HMMR: variants seen among roughly 807,000 people sequenced by gnomAD.
HMMR encodes the protein intracellular hyaluronic acid-binding protein.
A neutral mutation model predicts 101.0 loss-of-function variants in HMMR; 108 were observed. The observed-to-expected ratio is 1.07, with a 90% CI of 0.92 to 1.25. The LOEUF (loss-of-function observed/expected upper bound fraction) is 1.25. Ranked by LOEUF, HMMR falls within the 50% of genes most tolerant of loss-of-function variation. The pLI, the probability that HMMR is intolerant of heterozygous loss-of-function variation, is 0.00. For synonymous variants in HMMR, 296 were observed against 276.4 expected (o/e 1.07, Z -0.70); for missense variants, 813 against 788.7 (o/e 1.03, Z -0.37).
chr5:163,483,261 C>A lies in HMMR; in HGVS notation c.1686-7C>A, dbSNP rs773983165. 1.2e-5 allele frequency: 20 copies of A among 1,601,002 alleles called. No homozygotes were observed. Among genetic ancestry groups the A allele is most frequent in the Admixed American group, 3.4e-5 (2 of 59,030 alleles). Reference sequence around the variant, plus strand: ...TATGTTTTTCTCAATTTAATTCTTCCATGCAGAAAAGCTGAAAAAGAAAAT... The same window carrying A: ...TATGTTTTTCTCAATTTAATTCTTCAATGCAGAAAAGCTGAAAAAGAAAAT... On this transcript the variant is annotated splice_polypyrimidine_tract_variant and splice_region_variant and intron_variant, in intron 14 of 17. Transcript: ENST00000393915.
At chr5:163,481,436 C>T (rs190497685) in intron 12 of HMMR, among the ~76,000 whole-genome samples, 8 of 152,182 alleles carry the variant, frequency 5.3e-5, no homozygotes, top group Admixed American at 4.6e-4. Context: ...ATACTCGTGG[C>T]ATTAAAATTT....
chr5:163,464,775 T>C lies in HMMR; in HGVS notation c.198T>C (p.Ala66=). ...AAGATACTACCTTGCCTGCTTCAGCTAGAAAAGTTAAGTCTTCGGAATCAA... is the reference window on the plus strand; with the variant it reads ...AAGATACTACCTTGCCTGCTTCAGCCAGAAAAGTTAAGTCTTCGGAATCAA... ...VDKDTTLPAS[A]RKVKSSESKK... is the part of the protein sequence containing the mutation. Residue 66 remains alanine (A), a synonymous_variant, in exon 3 of 18, where the codon GCT becomes GCC. Coordinates refer to ENST00000393915, the MANE Select transcript of HMMR (RefSeq NM_001142556.2). 1.9e-6 allele frequency: 3 copies of C among 1,612,850 alleles called. No homozygotes were observed. Among genetic ancestry groups the C allele is most frequent in the Non-Finnish European group, 2.5e-6 (3 of 1,179,054 alleles).
At chr5:163,460,936 G>C (rs1016161712) in intron 1 of HMMR, among the ~76,000 whole-genome samples, 198 bp downstream of exon 1, 50 of 152,294 alleles carry the variant, frequency 3.3e-4, no homozygotes, top group Middle Eastern at 3.4e-3. Context: ...ATACCGCAGT[G>C]AAACAGTCTC....
intron 16 of HMMR, among the ~76,000 whole-genome samples, chr5:163,485,217 T>C (rs2113513775): frequency 6.6e-6 from 1 of 152,148 alleles, no homozygotes; most frequent in East Asian, 1.9e-4. Flanking sequence ...TCAGATGAGA[T>C]CGGGTGCGTT....
At chr5:163,469,905 C>A in intron 5 of HMMR, 76 bp downstream of exon 5, 2 of 995,064 alleles carry the variant, frequency 2.0e-6, no homozygotes, top group Non-Finnish European at 2.9e-6. Flanking sequence ...CGGTGGCTCA[C>A]GCCTGTGTTC....
chr5:163,464,801 A>G lies in HMMR; in HGVS notation c.224A>G (p.Lys75Arg). 2.5e-6 allele frequency: 4 copies of G among 1,597,238 alleles called. No individual in the cohort carries two copies. The highest frequency in any genetic ancestry group is 3.4e-6 in the Non-Finnish European group (4 of 1,165,236). ...SARKVKSSES[K>R]KESQKNDKDL... The stretch of plus-strand genomic sequence containing the variant: ...AGAAAAGTTAAGTCTTCGGAATCAA[A>G]GGTGAGGAGCTTTTATATGCCAGCT... The change falls in exon 3 of 18, where the codon AAG (lysine) becomes AGG (arginine). Residue 75 changes from lysine to arginine, a missense_variant and splice_region_variant. By Grantham distance (26) the Lys-to-Arg change is conservative (BLOSUM62 2). Transcript: ENST00000393915.
At chr5:163,461,648 G>T (rs908498658) in intron 1 of HMMR, among the ~76,000 whole-genome samples, 1 of 152,068 alleles carries the variant, frequency 6.6e-6, no homozygotes, top group Non-Finnish European at 1.5e-5. Context: ...GCCAGGCGCG[G>T]TGGCGGGCGC....
At chr5:163,489,847 A>C (rs949276123) in intron 16 of HMMR, among the ~76,000 whole-genome samples, 3 of 152,100 alleles carry the variant, frequency 2.0e-5, no homozygotes, top group Admixed American at 2.0e-4. Flanking sequence ...AGTTGGGGGA[A>C]AAGAGGGCCC....
At chr5:163,479,200 T>C (rs1247856897) in intron 12 of HMMR, among the ~76,000 whole-genome samples, 1 of 152,224 alleles carries the variant, frequency 6.6e-6, no homozygotes, top group Non-Finnish European at 1.5e-5. Flanking sequence ...TTGCTAAACC[T>C]ATAAAGAGAC....
intron 11 of HMMR, among the ~76,000 whole-genome samples, chr5:163,477,732 T>C (rs1370448927): frequency 1.3e-5 from 2 of 152,208 alleles, no homozygotes; most frequent in Non-Finnish European, 2.9e-5. Context: ...GTTTCTTTGA[T>C]CTTCTACTTC....
intron 1 of HMMR, among the ~76,000 whole-genome samples, chr5:163,461,745 T>G (rs1252315341): frequency 6.6e-6 from 1 of 151,712 alleles, no homozygotes; most frequent in African/African-American, 2.4e-5. Flanking sequence ...ATCGCGCCAC[T>G]GCACTCCAGC....
At chr5:163,484,323 A>G (rs2113511175) in intron 16 of HMMR, 78 bp downstream of exon 16, 4 of 698,964 alleles carry the variant, frequency 5.7e-6, no homozygotes, top group Non-Finnish European at 9.1e-6. Flanking sequence ...AATAAAATGA[A>G]TATCTTTGGT....
chr5:163,467,943 G>C (rs1171965449), intron 4 of HMMR, among the ~76,000 whole-genome samples, 195 bp downstream of exon 4: 1 of 152,096 alleles, frequency 6.6e-6, no homozygotes, highest in Non-Finnish European at 1.5e-5. Flanking sequence ...GTGGTATGCT[G>C]GCAACGCCGA....
chr5:163,476,985 C>T (rs1759087989), intron 11 of HMMR, among the ~76,000 whole-genome samples: 1 of 152,040 alleles, frequency 6.6e-6, no homozygotes, highest in Admixed American at 6.5e-5. Context: ...GAGCTGACAT[C>T]GCACCACTGC....
At chr5:163,475,260 G>A (rs896086466) in intron 10 of HMMR, among the ~76,000 whole-genome samples, 198 bp from the exon 11 acceptor site, 1 of 152,006 alleles carries the variant, frequency 6.6e-6, no homozygotes, top group African/African-American at 2.4e-5. Flanking sequence ...AAAAGCCTAA[G>A]ATGATATTTG....
chr5:163,467,583 T>G, intron 3 of HMMR, 118 bp from the exon 4 acceptor site: 1 of 581,224 alleles, frequency 1.7e-6, no homozygotes, highest in Non-Finnish European at 3.2e-6. Context: ...AGTGTAATGT[T>G]TAAAATAGAA....
intron 16 of HMMR, chr5:163,489,440 C>G (rs1479097208): frequency 6.6e-6 from 1 of 152,400 alleles, no homozygotes; most frequent in Non-Finnish European, 1.5e-5. Flanking sequence ...TTTCCGCCCT[C>G]CTTTCCCCCT....
intron 3 of HMMR, among the ~76,000 whole-genome samples, chr5:163,466,196 G>A (rs1185623761): frequency 6.6e-6 from 1 of 152,090 alleles, no homozygotes; most frequent in African/African-American, 2.4e-5. Flanking sequence ...AACCTAGGGA[G>A]GCAGAGGTTG....
intron 16 of HMMR, among the ~76,000 whole-genome samples, chr5:163,490,161 G>C (rs80133589): frequency 0.021 from 3,235 of 152,210 alleles, 99 homozygotes; most frequent in African/African-American, 0.074. Context: ...CAGAAAAATA[G>C]CTTTGTAGCT....
Sources: gnomAD v4.1 joint callset for allele counts (sites outside exome capture counted in the v4.1 genomes callset) on GRCh38, gnomAD v4.1.1 for gene constraint, MANE v1.5 for transcripts, NCBI Gene and HGNC (gene_info 2026-07-23, HGNC 2026-07-21) for gene names.